The following AMOTL1 variants were observed in gnomAD, a reference collection of about 807,000 sequenced individuals.
The protein encoded by AMOTL1 is angiomotin like 1.
In AMOTL1, 45 loss-of-function variants were observed where a neutral mutation model predicts 102.9. That is an observed-to-expected ratio of 0.44 (90% CI 0.34 to 0.56). The LOEUF is 0.56. Ranked by LOEUF, AMOTL1 falls within the 20% of genes least tolerant of loss-of-function variation. AMOTL1 has a pLI of 0.01. For synonymous variants in AMOTL1, 481 were observed against 484.7 expected (o/e 0.99, Z 0.10); for missense variants, 1,114 against 1,225.6 (o/e 0.91, Z 1.36).
chr11:94,802,631 C>G (rs1951498541), intron 3 of AMOTL1, among the ~76,000 whole-genome samples: 1 of 152,184 alleles, frequency 6.6e-6, no homozygotes, highest in Non-Finnish European at 1.5e-5. Context: ...GGCTTGGCAG[C>G]TGGTTAATAT....
At chr11:94,768,666 C>T in intron 1 of AMOTL1, 106 bp downstream of exon 1, 1 of 1,505,468 alleles carries the variant, frequency 6.6e-7, no homozygotes, top group Non-Finnish European at 9.0e-7. Flanking sequence ...CGGAAGGGGG[C>T]AGCTTCTGGG....
At chr11:94,864,567 G>A (rs1460263624) in intron 9 of AMOTL1, among the ~76,000 whole-genome samples, 168 bp from the exon 10 acceptor site, 1 of 152,300 alleles carries the variant, frequency 6.6e-6, no homozygotes, top group South Asian at 2.1e-4. Flanking sequence ...AGATGAGATT[G>A]ATAACTGAGC....
At chr11:94,722,765 T>C (rs1332411675) in intron 1 of AMOTL1, among the ~76,000 whole-genome samples, 1 of 152,184 alleles carries the variant, frequency 6.6e-6, no homozygotes, top group Non-Finnish European at 1.5e-5. Flanking sequence ...AACAGTACTA[T>C]GTATTTGTGC....
intron 3 of AMOTL1, among the ~76,000 whole-genome samples, chr11:94,741,820 T>A (rs1241970637): frequency 6.6e-6 from 1 of 152,198 alleles, no homozygotes; most frequent in South Asian, 2.1e-4. Context: ...ATATCTTGCC[T>A]TCCTAAGATG....
intron 3 of AMOTL1, among the ~76,000 whole-genome samples, chr11:94,742,539 TAC>T (rs113504600): frequency 0.013 from 2,043 of 152,318 alleles, 48 homozygotes; most frequent in African/African-American, 0.047. Context: ...CTCTGGGACT[TAC>T]AGACTGGACT....
chr11:94,800,601 A>G (rs1951458898), intron 3 of AMOTL1, among the ~76,000 whole-genome samples: 1 of 152,182 alleles, frequency 6.6e-6, no homozygotes, highest in South Asian at 2.1e-4. Flanking sequence ...CTGGCAAAGT[A>G]GCAATTTTCC....
At chr11:94,745,989 A>G (rs921983052) in intron 3 of AMOTL1, among the ~76,000 whole-genome samples, 1 of 152,158 alleles carries the variant, frequency 6.6e-6, no homozygotes, top group Non-Finnish European at 1.5e-5. Context: ...GGTTTTGGTG[A>G]TAGTTCCACT....
chr11:94,811,290 C>T (rs541214870), intron 3 of AMOTL1, among the ~76,000 whole-genome samples: 17 of 152,098 alleles, frequency 1.1e-4, no homozygotes, highest in Non-Finnish European at 2.4e-4. Context: ...GTCAGGGGTT[C>T]GAGACCACCC....
chr11:94,799,965 C>T lies in AMOTL1; in HGVS notation c.775C>T (p.Arg259Cys), dbSNP rs1442668688. The T allele has an allele frequency of 2.5e-6, 4 of 1,613,890 alleles. No homozygotes were observed. The highest frequency in any genetic ancestry group is 1.3e-5 in the African/African-American group (1 of 74,946). ...ALKELKQGHV[R>C]SLSERIMQLS... ...GAAGGAACTGAAGCAGGGCCACGTC[C>T]GCTCGCTCAGCGAGAGAATCATGCA... The change falls in exon 3 of 13, where the codon CGC becomes TGC. Residue 259 changes from arginine to cysteine, a missense_variant. Physicochemically the swap from Arg to Cys is radical, Grantham distance 180. Coordinates refer to ENST00000433060, the MANE Select transcript of AMOTL1 (RefSeq NM_130847.3). This position sits in a 1 kb window ranked among gnomAD's most constrained non-coding sequence, Gnocchi z 4.5.
intron 1 of AMOTL1, among the ~76,000 whole-genome samples, chr11:94,776,958 G>C (rs1440880655): frequency 6.6e-6 from 1 of 152,230 alleles, no homozygotes; most frequent in African/African-American, 2.4e-5. Flanking sequence ...GGCAGACAAA[G>C]AGATTAGGAA....
intron 2 of AMOTL1, chr11:94,797,040 C>T (rs1951381809): frequency 1.7e-5 from 17 of 984,256 alleles, no homozygotes; most frequent in Non-Finnish European, 2.1e-5. Context: ...GAATATGACA[C>T]TTCTATCTGG....
chr11:94,865,654 A>G (rs1426635510), intron 10 of AMOTL1, among the ~76,000 whole-genome samples: 2 of 152,160 alleles, frequency 1.3e-5, no homozygotes, highest in Non-Finnish European at 1.5e-5. Context: ...TAGACCCTCT[A>G]AATATGGTCC....
intron 6 of AMOTL1, among the ~76,000 whole-genome samples, chr11:94,845,036 G>C (rs191270264): frequency 6.6e-6 from 1 of 152,178 alleles, no homozygotes; most frequent in African/African-American, 2.4e-5. Flanking sequence ...CCATAAGTGG[G>C]AGCACTGAAT....
At chr11:94,764,445 A>C (rs1268131925), upstream of AMOTL1, among the ~76,000 whole-genome samples, 1 of 152,172 alleles carries the variant, frequency 6.6e-6, no homozygotes, top group Non-Finnish European at 1.5e-5. Flanking sequence ...AAATATCCTT[A>C]CTTGTTCTAG....
intron 1 of AMOTL1, among the ~76,000 whole-genome samples, chr11:94,779,621 G>T (rs1164753278): frequency 1.3e-5 from 2 of 151,916 alleles, no homozygotes. Context: ...TTAAGACATT[G>T]TACCGTGAGA....
At chr11:94,767,852 C>T (rs1267520660), upstream of AMOTL1, among the ~76,000 whole-genome samples, 1 of 152,164 alleles carries the variant, frequency 6.6e-6, no homozygotes, top group Non-Finnish European at 1.5e-5. Context: ...TTTGGCCCTT[C>T]TGTTTGTCAA....
intron 1 of AMOTL1, among the ~76,000 whole-genome samples, chr11:94,776,428 G>C (rs1055050589): frequency 1.3e-5 from 2 of 152,160 alleles, no homozygotes; most frequent in East Asian, 1.9e-4. Flanking sequence ...TCACATAACA[G>C]GTCTTCCCAC....
rs1430355040 is a variant in AMOTL1, at chr11:94,874,144, T to C, written c.*3349T>C. 2.0e-5 allele frequency: 3 copies of C among 152,224 alleles called. No homozygotes were observed. The highest frequency in any genetic ancestry group is 2.0e-4 in the Admixed American group (3 of 15,284). The allele number at this position is 152,224 out of a possible 1,614,324, so 9.4% of individuals were successfully genotyped here. Reference sequence around the variant, plus strand: ...AGGATATTATATGGAACTGGAGAAGTTGGAGTCAGGTCTCTGAAGCTAGAG... The same window carrying C: ...AGGATATTATATGGAACTGGAGAAGCTGGAGTCAGGTCTCTGAAGCTAGAG... On this transcript the variant is annotated 3_prime_UTR_variant, in exon 13 of 13. Coordinates refer to ENST00000433060, the MANE Select transcript of AMOTL1 (RefSeq NM_130847.3).
intron 3 of AMOTL1, among the ~76,000 whole-genome samples, chr11:94,756,865 G>T (rs138451165): frequency 1.3e-5 from 2 of 152,126 alleles, no homozygotes; most frequent in Non-Finnish European, 2.9e-5. Flanking sequence ...TGGCCAATAC[G>T]TGGCATTGTG....
Sources: gnomAD v4.1 joint callset for allele counts (sites outside exome capture counted in the v4.1 genomes callset) on GRCh38, gnomAD v4.1.1 for gene constraint, Gnocchi (gnomAD v3.1) non-coding constraint, MANE v1.5 for transcripts, NCBI Gene and HGNC (gene_info 2026-07-23, HGNC 2026-07-21) for gene names.